Variants in PRKAR1B observed in about 807,000 individuals in gnomAD.
The protein encoded by PRKAR1B is protein kinase cAMP-dependent type I regulatory subunit beta.
A neutral mutation model predicts 46.5 loss-of-function variants in PRKAR1B; 22 were observed. The observed-to-expected ratio is 0.47, with a 90% CI of 0.34 to 0.68. The LOEUF (loss-of-function observed/expected upper bound fraction) is 0.68. Ranked by LOEUF, PRKAR1B falls within the 30% of genes least tolerant of loss-of-function variation. The pLI is 0.01. For synonymous variants in PRKAR1B, 259 were observed against 217.7 expected (o/e 1.19, Z -1.67); for missense variants, 445 against 535.6 (o/e 0.83, Z 1.67).
chr7:583,698 CCTCA>C (rs1376031765), intron 8 of PRKAR1B, among the ~76,000 whole-genome samples: 11 of 144,932 alleles, frequency 7.6e-5, no homozygotes, highest in African/African-American at 2.1e-4. Flanking sequence ...GCACTCACAC[CCTCA>C]CACACGTGCA....
At chr7:712,274 C>T (rs1395514900) in intron 1 of PRKAR1B, 4 of 149,958 alleles carry the variant, frequency 2.7e-5, no homozygotes, top group Non-Finnish European at 1.5e-5. Flanking sequence ...CTCCCGGGAC[C>T]CCTGACCGGG....
chr7:575,691 G>A (rs911902615), intron 9 of PRKAR1B, among the ~76,000 whole-genome samples: 7 of 152,054 alleles, frequency 4.6e-5, no homozygotes, highest in East Asian at 3.9e-4. Flanking sequence ...GACTACAGGC[G>A]TGCACCACCA....
chr7:678,607 G>A (rs1025265854), intron 3 of PRKAR1B, among the ~76,000 whole-genome samples: 37 of 152,224 alleles, frequency 2.4e-4, no homozygotes, highest in African/African-American at 8.4e-4. Context: ...AAGGTCATTC[G>A]GGCCACAGTG....
intron 1 of PRKAR1B, among the ~76,000 whole-genome samples, chr7:715,933 T>A (rs1378930216): frequency 6.6e-6 from 1 of 152,166 alleles, no homozygotes; most frequent in Non-Finnish European, 1.5e-5. Flanking sequence ...GCCAGGATGG[T>A]CTCGGTCTCC....
chr7:552,746 T>C (rs1583188505), intron 9 of PRKAR1B, among the ~76,000 whole-genome samples: 1 of 151,256 alleles, frequency 6.6e-6, no homozygotes, highest in African/African-American at 2.4e-5. Flanking sequence ...TCCCTGGGGG[T>C]CGGTATCTTT....
At chr7:563,861 G>T (rs1393622809) in intron 9 of PRKAR1B, among the ~76,000 whole-genome samples, 1 of 151,566 alleles carries the variant, frequency 6.6e-6, no homozygotes, top group Non-Finnish European at 1.5e-5. Context: ...ATGGGTTGTG[G>T]GTGTGCATGG....
chr7:626,977 C>A (rs566009856), intron 4 of PRKAR1B, among the ~76,000 whole-genome samples: 2 of 152,154 alleles, frequency 1.3e-5, no homozygotes, highest in African/African-American at 4.8e-5. Flanking sequence ...CGGGTTCAAG[C>A]GATTCTCTTG....
intron 4 of PRKAR1B, among the ~76,000 whole-genome samples, chr7:669,256 C>T (rs1786093179): frequency 6.6e-6 from 1 of 152,088 alleles, no homozygotes; most frequent in Admixed American, 6.6e-5. Flanking sequence ...CATTTAAGTC[C>T]CATAATGACT....
Position 609,086 on chromosome 7 carries a change from G to A in PRKAR1B, c.441-1634C>T, listed in dbSNP as rs977674876. On this transcript the variant is annotated intron_variant, in intron 4 of 10. Coordinates refer to ENST00000537384, the MANE Select transcript of PRKAR1B (RefSeq NM_001164760.2). ...GTGGCAGGGCTGTAGGGAGAGCTGG[G>A]GGCCCTCCACTCTCCGCCCATGGGT... Among the ~76,000 whole-genome samples, 6 of 150,850 alleles carry A rather than the reference G, an allele frequency of 4.0e-5. 1 individual carries two copies. Among genetic ancestry groups the A allele is most frequent in the Non-Finnish European group, 1.5e-5 (1 of 67,332 alleles).
Position 666,179 on chromosome 7 carries a change from G to A in PRKAR1B, c.440+11050C>T, listed in dbSNP as rs1010767712. ...AATCAGGGAAAGCCGGGAAGGGACC[G>A]GGATAGAACCCAAGGGCCTCCACCT... On this transcript the variant is annotated intron_variant, in intron 4 of 10. Coordinates refer to ENST00000537384, the MANE Select transcript of PRKAR1B (RefSeq NM_001164760.2). This position sits in a 1 kb window ranked among gnomAD's most constrained non-coding sequence, Gnocchi z 4.9. Among the ~76,000 whole-genome samples the A allele has an allele frequency of 1.2e-4, 18 of 152,214 alleles. No individual in the cohort carries two copies. The highest frequency in any genetic ancestry group is 1.7e-4 in the African/African-American group (7 of 41,442).
intron 9 of PRKAR1B, among the ~76,000 whole-genome samples, chr7:551,950 C>T (rs534539633): frequency 7.9e-6 from 1 of 126,610 alleles, no homozygotes; most frequent in Non-Finnish European, 1.7e-5. Context: ...ACCTCCCGCC[C>T]GGGTCCTTCC....
At chr7:614,438 C>T (rs894239082) in intron 4 of PRKAR1B, among the ~76,000 whole-genome samples, 10 of 152,162 alleles carry the variant, frequency 6.6e-5, no homozygotes, top group African/African-American at 2.4e-4. Flanking sequence ...ACTTCACAGA[C>T]AAGGAAGCTG....
At chr7:586,244 G>C (rs953875471) in intron 7 of PRKAR1B, among the ~76,000 whole-genome samples, 3 of 152,296 alleles carry the variant, frequency 2.0e-5, no homozygotes, top group African/African-American at 7.2e-5. Flanking sequence ...ACCTGGCATG[G>C]AGGCAGCCGG....
At chr7:584,646 C>G in intron 7 of PRKAR1B, 78 bp from the exon 8 acceptor site, 1 of 1,257,498 alleles carries the variant, frequency 8.0e-7, no homozygotes. Flanking sequence ...CAGATTTCCC[C>G]AAATGACTCT....
intron 4 of PRKAR1B, among the ~76,000 whole-genome samples, chr7:623,248 G>C (rs941814836): frequency 2.0e-5 from 3 of 152,196 alleles, no homozygotes; most frequent in African/African-American, 7.2e-5. Context: ...TCCTGCTCCC[G>C]GCTGGGGTGC....
intron 2 of PRKAR1B, among the ~76,000 whole-genome samples, chr7:684,875 G>GACACACACACACACACACAC (rs142305067): frequency 2.1e-5 from 3 of 145,410 alleles, no homozygotes; most frequent in Non-Finnish European, 4.5e-5. Context: ...ACTTCACACA[G>GACACACACACACACACACAC]ACACACACAC....
intron 4 of PRKAR1B, among the ~76,000 whole-genome samples, chr7:628,583 G>C (rs1012642034): frequency 6.6e-6 from 1 of 152,198 alleles, no homozygotes; most frequent in Non-Finnish European, 1.5e-5. Flanking sequence ...CCAGTCGCTC[G>C]CTCAGGCCCA....
intron 2 of PRKAR1B, among the ~76,000 whole-genome samples, chr7:689,531 C>A (rs759687288): frequency 6.6e-6 from 1 of 152,018 alleles, no homozygotes; most frequent in Admixed American, 6.6e-5. Flanking sequence ...CACAGAGTAA[C>A]CCAGGATACA....
At chr7:605,696 C>A (rs1781992905) in intron 6 of PRKAR1B, among the ~76,000 whole-genome samples, 1 of 152,120 alleles carries the variant, frequency 6.6e-6, no homozygotes, top group Admixed American at 6.5e-5. Flanking sequence ...ACAGTGAGAC[C>A]CGACTCACGG....
Sources: allele counts gnomAD v4.1 joint callset (sites outside exome capture counted in the v4.1 genomes callset), GRCh38; gene constraint gnomAD v4.1.1; non-coding constraint Gnocchi (gnomAD v3.1); transcripts MANE v1.5; gene names NCBI Gene and HGNC (gene_info 2026-07-23, HGNC 2026-07-21).